Variants in GDPD4 observed in about 807,000 individuals in gnomAD.
GDPD4 encodes the protein glycerophosphodiester phosphodiesterase domain containing 4, also known as glycerophosphodiester phosphodiesterase 6.
In GDPD4, 60 loss-of-function variants were observed where a neutral mutation model predicts 67.8. That is an observed-to-expected ratio of 0.88 (90% CI 0.72 to 1.10). The LOEUF (loss-of-function observed/expected upper bound fraction) is 1.10. GDPD4 is among the 50% of genes least tolerant of loss of function. The pLI is 0.00. For missense variants in GDPD4, 623 were observed against 613.9 expected (o/e 1.01, Z -0.16); for synonymous variants, 212 against 210.9 (o/e 1.00, Z -0.04).
At chr11:77,277,071 G>C (rs1959503984) in intron 4 of GDPD4, among the ~76,000 whole-genome samples, 1 of 152,034 alleles carries the variant, frequency 6.6e-6, no homozygotes, top group Non-Finnish European at 1.5e-5. Flanking sequence ...AGAGTAGAAA[G>C]TTTGTTAAAA....
chr11:77,229,264 T>C (rs760498995), intron 14 of GDPD4, 32 bp from the exon 15 acceptor site: 3 of 1,352,868 alleles, frequency 2.2e-6, no homozygotes, highest in Non-Finnish European at 3.1e-6. Flanking sequence ...GAAAGAACTT[T>C]ACAGTTAGAA....
chr11:77,228,520 AAAAAAAAAT>A (rs1958389862), intron 15 of GDPD4, among the ~76,000 whole-genome samples: 1 of 146,456 alleles, frequency 6.8e-6, no homozygotes, highest in African/African-American at 2.5e-5. Flanking sequence ...AAAAAAAAAA[AAAAAAAAAT>A]TAGCCAGGCA....
chr11:77,232,824 C>T (rs1958477959), intron 14 of GDPD4, among the ~76,000 whole-genome samples: 1 of 152,200 alleles, frequency 6.6e-6, no homozygotes, highest in Admixed American at 6.5e-5. Flanking sequence ...CAATAAATGT[C>T]AATTATTATA....
At chr11:77,245,068 C>G (rs564812045) in intron 12 of GDPD4, among the ~76,000 whole-genome samples, 1 of 152,248 alleles carries the variant, frequency 6.6e-6, no homozygotes, top group Admixed American at 6.5e-5. Flanking sequence ...TAGCAAACAG[C>G]CTCAATGATT....
intron 5 of GDPD4, 114 bp from the exon 6 acceptor site, chr11:77,271,507 T>C (rs1959226094): frequency 1.5e-6 from 1 of 654,094 alleles, no homozygotes; most frequent in Admixed American, 2.7e-5. Context: ...TGCTTCCTCA[T>C]TCTTTTACCA....
intron 16 of GDPD4, among the ~76,000 whole-genome samples, chr11:77,224,650 C>T (rs1958291400): frequency 6.6e-6 from 1 of 152,126 alleles, no homozygotes; most frequent in Non-Finnish European, 1.5e-5. Context: ...AAGCAGTGAG[C>T]CTGGAAGAGG....
intron 2 of GDPD4, among the ~76,000 whole-genome samples, chr11:77,286,530 G>T (rs2135889553): frequency 6.6e-6 from 1 of 152,246 alleles, no homozygotes; most frequent in African/African-American, 2.4e-5. Flanking sequence ...CCCCACCTCA[G>T]GTATAAGAAA....
chr11:77,221,581 A>G (rs1958224895), intron 16 of GDPD4, among the ~76,000 whole-genome samples: 1 of 152,202 alleles, frequency 6.6e-6, no homozygotes, highest in Non-Finnish European at 1.5e-5. Context: ...ATTTGATTGC[A>G]CTGTGGTCTG....
chr11:77,288,906 G>A (rs1192684197), intron 1 of GDPD4, among the ~76,000 whole-genome samples: 1 of 151,400 alleles, frequency 6.6e-6, no homozygotes, highest in African/African-American at 2.4e-5. Context: ...ATAATACAAA[G>A]AAATCAGAAA....
chr11:77,256,482 T>A (rs536378038), intron 11 of GDPD4, among the ~76,000 whole-genome samples: 1 of 152,342 alleles, frequency 6.6e-6, no homozygotes, highest in South Asian at 2.1e-4. Context: ...AAATCCACTT[T>A]CAGCTATTTC....
At chr11:77,301,347 T>C (rs1298047311) in intron 1 of GDPD4, among the ~76,000 whole-genome samples, 2 of 152,098 alleles carry the variant, frequency 1.3e-5, no homozygotes, top group East Asian at 1.9e-4. Flanking sequence ...CCGCCCAGGA[T>C]TGGCATAGTC....
At chr11:77,282,751 G>A (rs1434258745) in intron 3 of GDPD4, among the ~76,000 whole-genome samples, 1 of 151,642 alleles carries the variant, frequency 6.6e-6, no homozygotes, top group Non-Finnish European at 1.5e-5. Context: ...GCATTAGGAA[G>A]AATATGGATG....
intron 11 of GDPD4, among the ~76,000 whole-genome samples, chr11:77,250,056 T>G (rs1239529225): frequency 6.6e-6 from 1 of 152,212 alleles, no homozygotes; most frequent in Non-Finnish European, 1.5e-5. Flanking sequence ...TTATCTGATT[T>G]TTACATTTTC....
intron 14 of GDPD4, among the ~76,000 whole-genome samples, chr11:77,232,600 T>C (rs1958474485): frequency 6.6e-6 from 1 of 152,174 alleles, no homozygotes; most frequent in South Asian, 2.1e-4. Context: ...CTTGGTTTTC[T>C]CCCCACTCTC....
intron 1 of GDPD4, among the ~76,000 whole-genome samples, chr11:77,291,852 G>A (rs1295466717): frequency 6.6e-6 from 1 of 152,076 alleles, no homozygotes; most frequent in East Asian, 1.9e-4. Flanking sequence ...CCAACATGGA[G>A]AAACCCCGTC....
intron 16 of GDPD4, among the ~76,000 whole-genome samples, chr11:77,224,733 C>T (rs143197823): frequency 8.1e-4 from 124 of 152,270 alleles, no homozygotes; most frequent in Non-Finnish European, 1.3e-3. Context: ...CTGTCTAACC[C>T]ATGTCTGTGA....
chr11:77,222,136 C>T (rs1958239224), intron 16 of GDPD4, among the ~76,000 whole-genome samples: 2 of 152,116 alleles, frequency 1.3e-5, no homozygotes, highest in African/African-American at 4.8e-5. Context: ...TGAGATGGGG[C>T]TCCTGAATAC....
chr11:77,252,042 T>G (rs889777864), intron 11 of GDPD4, among the ~76,000 whole-genome samples: 1 of 91,294 alleles, frequency 1.1e-5, no homozygotes, highest in Non-Finnish European at 2.3e-5. Context: ...ATTTGGGTTT[T>G]TTTGTTTGTT....
Position 77,276,243 on chromosome 11 carries a change from GA to G in GDPD4, c.148-24del, listed in dbSNP as rs927379533. Reference sequence around the variant, plus strand: ...TAACTGCAAAAGCAAAGAAGAAAAAGAGAGTTATTTTGAAATCACCAAGTTG... The same window carrying G: ...TAACTGCAAAAGCAAAGAAGAAAAAGGAGTTATTTTGAAATCACCAAGTTG... On this transcript the variant is annotated intron_variant, in intron 4 of 16. Transcript: ENST00000315938. The G allele has an allele frequency of 6.2e-6, 10 of 1,606,438 alleles. No homozygotes were observed. In the African/African-American group the frequency reaches 1.2e-4, roughly 19 times the overall value.
Sources: allele counts gnomAD v4.1 joint callset (sites outside exome capture counted in the v4.1 genomes callset), GRCh38; gene constraint gnomAD v4.1.1; transcripts MANE v1.5; gene names NCBI Gene and HGNC (gene_info 2026-07-23, HGNC 2026-07-21).